KLRD1: variants seen among roughly 807,000 people sequenced by gnomAD.
KLRD1 encodes the protein killer cell lectin like receptor D1, also known as natural killer cells antigen CD94.
In KLRD1, 21 loss-of-function variants were observed where a neutral mutation model predicts 22.6. The ratio of observed to expected loss-of-function variants is 0.93; its 90% CI spans 0.66 to 1.34. KLRD1 has a LOEUF of 1.34. KLRD1 is among the 40% of genes most tolerant of loss of function. The probability of loss-of-function intolerance (pLI) is 0.00; values close to 1 mark genes in which losing one functional copy is unlikely to be tolerated. For synonymous variants in KLRD1, 59 were observed against 71.1 expected, an observed-to-expected ratio of 0.83 and a Z score of 0.85; for missense variants, 183 against 208.6, an observed-to-expected ratio of 0.88 and a Z score of 0.76.
intron 5 of KLRD1, among the ~76,000 whole-genome samples, chr12:10,314,282 T>C (rs1458856885): frequency 6.6e-6 from 1 of 152,210 alleles, no homozygotes; most frequent in Non-Finnish European, 1.5e-5. Flanking sequence ...TGTGTACTTT[T>C]TGAATCTCAT....
chr12:10,304,988 A>T (rs978551815), upstream of KLRD1, among the ~76,000 whole-genome samples: 4 of 152,266 alleles, frequency 2.6e-5, no homozygotes, highest in Admixed American at 2.0e-4. Context: ...TTCTAAAAGC[A>T]GTGAGATCAA....
At chr12:10,256,119 G>A (rs1482685239) in intron 1 of KLRD1, among the ~76,000 whole-genome samples, 1 of 151,670 alleles carries the variant, frequency 6.6e-6, no homozygotes, top group Admixed American at 6.6e-5. Flanking sequence ...TCTGACATTA[G>A]TATGGCCATC....
intron 1 of KLRD1, among the ~76,000 whole-genome samples, chr12:10,243,631 A>AAAAAAAAAT: frequency 8.4e-6 from 1 of 118,782 alleles, no homozygotes; most frequent in South Asian, 3.0e-4. Context: ...AAAAAAAAAA[A>AAAAAAAAAT]AACCGAAATG....
intron 1 of KLRD1, among the ~76,000 whole-genome samples, chr12:10,253,526 C>T (rs1222775538): frequency 2.6e-5 from 4 of 151,554 alleles, no homozygotes; most frequent in Non-Finnish European, 5.9e-5. Flanking sequence ...AGGCATTATA[C>T]CCAGTACCCA....
intron 1 of KLRD1, among the ~76,000 whole-genome samples, chr12:10,264,993 C>T (rs1202683775): frequency 6.6e-6 from 1 of 152,012 alleles, no homozygotes; most frequent in Non-Finnish European, 1.5e-5. Flanking sequence ...ATAACGTCTT[C>T]CAAGTTCATC....
intron 1 of KLRD1, among the ~76,000 whole-genome samples, chr12:10,267,057 A>G (rs142559548): frequency 6.6e-6 from 1 of 151,498 alleles, no homozygotes; most frequent in African/African-American, 2.4e-5. Context: ...AACATTAGGT[A>G]TATCTCCTAA....
In KLRD1 at chr12:10,314,970, G is replaced by T. The variant is rs181101703; in HGVS notation, c.*177G>T. The T allele has an allele frequency of 1.2e-4, 56 of 482,488 alleles. No homozygotes were observed. Among genetic ancestry groups the T allele is most frequent in the South Asian group, 2.3e-4 (7 of 30,284 alleles). 29.9% of individuals were successfully genotyped at this position (482,488 alleles called of 1,614,324 possible). On this transcript the variant is annotated 3_prime_UTR_variant, in exon 6 of 6. Coordinates refer to ENST00000336164, the MANE Select transcript of KLRD1 (RefSeq NM_002262.5). Reference sequence around the variant, plus strand: ...ATGTGTTTTAAAATTGATGAAATTCGTTCACCTACATTTGAGAATTATAAA... The same window carrying T: ...ATGTGTTTTAAAATTGATGAAATTCTTTCACCTACATTTGAGAATTATAAA...
intron 1 of KLRD1, among the ~76,000 whole-genome samples, chr12:10,244,206 A>G (rs563314121): frequency 2.0e-5 from 3 of 152,260 alleles, no homozygotes; most frequent in South Asian, 2.1e-4. Context: ...ACTCTATCCT[A>G]TGATTTTGTT....
intron 1 of KLRD1, among the ~76,000 whole-genome samples, chr12:10,245,978 C>T (rs1279305818): frequency 1.3e-5 from 2 of 152,126 alleles, no homozygotes; most frequent in South Asian, 2.1e-4. Context: ...GCTACCATGC[C>T]TGGCCAATTT....
chr12:10,312,935 T>C (rs372630629), intron 4 of KLRD1, among the ~76,000 whole-genome samples: 4 of 151,116 alleles, frequency 2.6e-5, no homozygotes, highest in African/African-American at 7.3e-5. Flanking sequence ...TGCAGTGAGC[T>C]GAGATCGTCC....
chr12:10,243,917 G>T (rs1455589675), intron 1 of KLRD1, among the ~76,000 whole-genome samples: 2 of 152,072 alleles, frequency 1.3e-5, no homozygotes, highest in African/African-American at 2.4e-5. Context: ...ATTGCTGCAG[G>T]TATGCGGGAC....
chr12:10,267,920 G>A (rs1779792466), intron 1 of KLRD1, among the ~76,000 whole-genome samples: 1 of 152,184 alleles, frequency 6.6e-6, no homozygotes, highest in Non-Finnish European at 1.5e-5. Context: ...GCTGGTTCGG[G>A]AGAAAGGGTG....
At chr12:10,278,935 A>G (rs2137651799) in intron 1 of KLRD1, among the ~76,000 whole-genome samples, 1 of 142,548 alleles carries the variant, frequency 7.0e-6, no homozygotes, top group East Asian at 2.1e-4. Context: ...TGCTATTTTC[A>G]TTGTGTTTTA....
At chr12:10,294,891 A>G (rs1304502818) in intron 1 of KLRD1, among the ~76,000 whole-genome samples, 1 of 152,260 alleles carries the variant, frequency 6.6e-6, no homozygotes, top group Admixed American at 6.5e-5. Flanking sequence ...TATACGTTAT[A>G]GTAAGATAAA....
intron 1 of KLRD1, among the ~76,000 whole-genome samples, chr12:10,264,482 T>C (rs1231018178): frequency 7.8e-6 from 1 of 128,458 alleles, no homozygotes; most frequent in African/African-American, 2.5e-5. Context: ...AAACACAGCT[T>C]CGCTCTAGCA....
rs1233829510 is a variant in KLRD1 at position 10,327,651 on chromosome 12, T to C, written c.*12858T>C. ...CCATTGTACTTCTTCTTTTACAATC[T>C]GTATGTTGTTAATTTCTTTTCCTTG... is the stretch of plus-strand genomic sequence containing the variant. On this transcript the variant is annotated 3_prime_UTR_variant, in exon 6 of 6. Coordinates refer to ENST00000336164, the MANE Select transcript of KLRD1 (RefSeq NM_002262.5). 2.0e-5 allele frequency: 3 copies of C among 152,216 alleles called. No homozygotes were observed. Among genetic ancestry groups the C allele is most frequent in the African/African-American group, 7.2e-5 (3 of 41,456 alleles). The allele number at this position is 152,216 out of a possible 1,614,324, so 9.4% of individuals were successfully genotyped here. A position where few individuals can be genotyped will look rare whatever the true frequency, so the allele number is the denominator to read the frequency against.
chr12:10,243,851 G>A (rs1949265703), intron 1 of KLRD1, among the ~76,000 whole-genome samples: 4 of 151,992 alleles, frequency 2.6e-5, no homozygotes, highest in Admixed American at 2.6e-4. Flanking sequence ...AATATAGTTT[G>A]ATTTAAAAAT....
intron 1 of KLRD1, among the ~76,000 whole-genome samples, chr12:10,271,611 T>C (rs1949550248): frequency 1.3e-5 from 2 of 152,192 alleles, no homozygotes; most frequent in South Asian, 2.1e-4. Context: ...TTCTGGATAT[T>C]TGAAGAACAA....
At chr12:10,314,506 A>G (rs1377783822) in intron 5 of KLRD1, among the ~76,000 whole-genome samples, 167 bp from the exon 6 acceptor site, 3 of 152,242 alleles carry the variant, frequency 2.0e-5, no homozygotes, top group Non-Finnish European at 2.9e-5. Context: ...GGTATTTTGT[A>G]GCATTACACT....
Sources: allele counts gnomAD v4.1 joint callset (sites outside exome capture counted in the v4.1 genomes callset), GRCh38; gene constraint gnomAD v4.1.1; transcripts MANE v1.5; gene names NCBI Gene and HGNC (gene_info 2026-07-23, HGNC 2026-07-21).